Variants in FAM133A observed in about 807,000 individuals in gnomAD.
The protein encoded by FAM133A is family with sequence similarity 133 member A, also known as protein FAM133A.
For missense variants in FAM133A, 159 were observed against 164.4 expected, an observed-to-expected ratio of 0.97 and a Z score of 0.18; for synonymous variants, 65 against 58.6, an observed-to-expected ratio of 1.11 and a Z score of -0.50.
chrX:93,684,469 C>T (rs1925380124), intron 2 of FAM133A, among the ~76,000 whole-genome samples: 1 of 111,745 alleles, frequency 8.9e-6, no homozygotes, highest in African/African-American at 3.3e-5. Flanking sequence ...GCATATCTGC[C>T]TTGGTAACTT....
Position 93,711,874 on chromosome X carries a change from G to A in FAM133A, c.*1708G>A, listed in dbSNP as rs1431920983. 8.1e-6 allele frequency: 1 copy of A among 122,966 alleles called. No homozygotes were observed. The highest frequency in any genetic ancestry group is 1.9e-5 in the Non-Finnish European group (1 of 53,196). 10.1% of individuals were successfully genotyped at this position (122,966 alleles called of 1,213,427 possible). A position where few individuals can be genotyped will look rare whatever the true frequency, so the allele number is the denominator to read the frequency against. The stretch of plus-strand genomic sequence containing the variant: ...ATGGGATATTTTGTATCCATATAGA[G>A]TTTTTCAGAATTGTTCATTAAAATG... On this transcript the variant is annotated 3_prime_UTR_variant, in exon 4 of 4. Transcript: ENST00000683942.
chrX:93,681,748 A>G (rs1925173048), intron 2 of FAM133A, among the ~76,000 whole-genome samples: 2 of 111,884 alleles, frequency 1.8e-5, no homozygotes, highest in Admixed American at 9.5e-5. Flanking sequence ...AAATTATAAT[A>G]TTGACCACTT....
At chrX:93,673,697 A>G, upstream of FAM133A, 1 of 141,709 alleles carries the variant, frequency 7.1e-6, no homozygotes, top group Non-Finnish European at 1.4e-5. Flanking sequence ...GGTCCACCTT[A>G]ATTGACAAAC....
intron 2 of FAM133A, among the ~76,000 whole-genome samples, chrX:93,680,786 A>G (rs1925090085): frequency 1.8e-5 from 2 of 111,772 alleles, no homozygotes; most frequent in Admixed American, 1.9e-4. Context: ...TTAAAAAATT[A>G]TGTTTTTTAA....
chrX:93,691,402 A>G (rs760938384), intron 2 of FAM133A, among the ~76,000 whole-genome samples: 1 of 112,195 alleles, frequency 8.9e-6, no homozygotes. Flanking sequence ...TGAAAAGACT[A>G]TCGTTTTCAC....
chrX:93,679,680 ACTTATTTTTTTCT>A (rs1352567987), intron 2 of FAM133A, among the ~76,000 whole-genome samples: 5 of 109,398 alleles, frequency 4.6e-5, no homozygotes, highest in African/African-American at 1.7e-4. Flanking sequence ...TACCGTAAAT[ACTTATTTTTTTCT>A]GGTGAGAACA....
intron 2 of FAM133A, among the ~76,000 whole-genome samples, chrX:93,677,154 T>C (rs889416296): frequency 9.1e-6 from 1 of 110,467 alleles, no homozygotes; most frequent in African/African-American, 3.3e-5. Flanking sequence ...ACATGATTTT[T>C]TGGCGGGGGG....
intron 2 of FAM133A, among the ~76,000 whole-genome samples, chrX:93,676,524 A>T (rs1485128418): frequency 2.7e-5 from 3 of 110,937 alleles, no homozygotes; most frequent in Non-Finnish European, 5.7e-5. Context: ...TTTGGCCTTG[A>T]CTTAAGACAA....
chrX:93,697,795 GT>G (rs1010048731), intron 2 of FAM133A, among the ~76,000 whole-genome samples: 2 of 111,601 alleles, frequency 1.8e-5, no homozygotes, highest in African/African-American at 6.5e-5. Flanking sequence ...AGGAATAGCT[GT>G]TTTTACTGTC....
chrX:93,692,215 C>T (rs1387190359), intron 2 of FAM133A, among the ~76,000 whole-genome samples: 1 of 111,568 alleles, frequency 9.0e-6, no homozygotes, highest in African/African-American at 3.2e-5. Context: ...CTGGGAATGT[C>T]GTGTTGCCAC....
chrX:93,710,367 A>T lies in FAM133A; in HGVS notation c.*201A>T, dbSNP rs2147679445. 2.9e-6 allele frequency: 1 copy of T among 343,414 alleles called. No homozygotes were observed. Among genetic ancestry groups the T allele is most frequent in the East Asian group, 4.6e-5 (1 of 21,629 alleles). 28.3% of individuals were successfully genotyped at this position (343,414 alleles called of 1,213,427 possible). A position where few individuals can be genotyped will look rare whatever the true frequency, so the allele number is the denominator to read the frequency against. Reference sequence around the variant, plus strand: ...CTCTGAGAGCTAAAATTCTGTTGTCATACCAGTGAATAAAATGTTTGAAAT... The same window carrying T: ...CTCTGAGAGCTAAAATTCTGTTGTCTTACCAGTGAATAAAATGTTTGAAAT... On this transcript the variant is annotated 3_prime_UTR_variant, in exon 4 of 4. Coordinates refer to ENST00000683942, the MANE Select transcript of FAM133A (RefSeq NM_001171109.2).
chrX:93,679,068 G>A (rs1367271119), intron 2 of FAM133A, among the ~76,000 whole-genome samples: 1 of 111,412 alleles, frequency 9.0e-6, no homozygotes, highest in East Asian at 2.8e-4. Context: ...TTGCCAGTGT[G>A]TAGATGTCCA....
chrX:93,689,036 A>T (rs1925721394), intron 2 of FAM133A, among the ~76,000 whole-genome samples: 1 of 94,033 alleles, frequency 1.1e-5, no homozygotes, highest in Admixed American at 1.3e-4. Context: ...GATTTAATAT[A>T]ATAGGTAACA....
intron 2 of FAM133A, among the ~76,000 whole-genome samples, chrX:93,696,925 GAAAA>G (rs200154302): frequency 0.48 from 45,725 of 94,682 alleles, 7,796 homozygotes; most frequent in Admixed American, 0.58. Flanking sequence ...GTCTCAAAAA[GAAAA>G]AAAAAAAAAG....
intron 2 of FAM133A, among the ~76,000 whole-genome samples, chrX:93,685,880 G>A (rs1056815134): frequency 9.0e-6 from 1 of 110,762 alleles, no homozygotes; most frequent in East Asian, 2.9e-4. Flanking sequence ...AGGCCAAGGC[G>A]GACAGATCAC....
chrX:93,686,706 G>A (rs1036098877), intron 2 of FAM133A, among the ~76,000 whole-genome samples: 2 of 112,262 alleles, frequency 1.8e-5, no homozygotes, highest in African/African-American at 6.5e-5. Flanking sequence ...CTTGGCTATA[G>A]GAGGATGAGG....
chrX:93,680,526 G>A (rs1925065665), intron 2 of FAM133A, among the ~76,000 whole-genome samples: 1 of 110,972 alleles, frequency 9.0e-6, no homozygotes, highest in African/African-American at 3.3e-5. Context: ...TGTCCATACT[G>A]TTTTCCATAA....
chrX:93,675,291 T>C (rs754721333), intron 2 of FAM133A, among the ~76,000 whole-genome samples: 249 of 112,050 alleles, frequency 2.2e-3, no homozygotes, highest in Middle Eastern at 4.7e-3. Flanking sequence ...TATACATACC[T>C]GCCTATTTAT....
intron 3 of FAM133A, among the ~76,000 whole-genome samples, chrX:93,700,068 AAG>A (rs1231386860): frequency 9.0e-6 from 1 of 110,585 alleles, no homozygotes; most frequent in Non-Finnish European, 1.9e-5. Flanking sequence ...GGATTAAATC[AAG>A]GTTATGTCTC....
Sources: allele counts gnomAD v4.1 joint callset (sites outside exome capture counted in the v4.1 genomes callset), GRCh38; gene constraint gnomAD v4.1.1; transcripts MANE v1.5; gene names NCBI Gene and HGNC (gene_info 2026-07-23, HGNC 2026-07-21).